Variants in RAB27B observed in about 807,000 individuals in gnomAD.
The protein encoded by RAB27B is ras-related protein Rab-27B.
RAB27B carries 15 observed loss-of-function variants against 24.6 expected under a neutral mutation model. That is an observed-to-expected ratio of 0.61 (90% CI 0.41 to 0.94). RAB27B has a LOEUF of 0.94. RAB27B is among the 40% of genes least tolerant of loss of function. RAB27B has a pLI of 0.00. For missense variants in RAB27B, 261 were observed against 266.8 expected, an observed-to-expected ratio of 0.98 and a Z score of 0.15; for synonymous variants, 105 against 92.5, an observed-to-expected ratio of 1.14 and a Z score of -0.78.
At chr18:54,865,134 G>A (rs536252864) in intron 1 of RAB27B, among the ~76,000 whole-genome samples, 4 of 152,054 alleles carry the variant, frequency 2.6e-5, no homozygotes, top group African/African-American at 7.2e-5. Context: ...TTAAATACAT[G>A]CAAATACATC....
intron 2 of RAB27B, among the ~76,000 whole-genome samples, chr18:54,794,219 A>AAGCACC (rs2145117394): frequency 6.6e-6 from 1 of 152,354 alleles, no homozygotes; most frequent in Admixed American, 6.5e-5. Context: ...CAAAGTAGCT[A>AAGCACC]TTATAGCACC....
intron 2 of RAB27B, among the ~76,000 whole-genome samples, chr18:54,763,040 T>C (rs546030998): frequency 1.8e-4 from 28 of 152,346 alleles, no homozygotes; most frequent in Non-Finnish European, 3.8e-4. Flanking sequence ...TTATTGAGTC[T>C]CTAAGCTCAA....
At chr18:54,869,060 C>T (rs1209664423) in intron 1 of RAB27B, among the ~76,000 whole-genome samples, 1 of 152,138 alleles carries the variant, frequency 6.6e-6, no homozygotes, top group Non-Finnish European at 1.5e-5. Context: ...AGATTTGGGT[C>T]TTGTCTGCAA....
At chr18:54,754,012 A>G (rs1257094289) in intron 2 of RAB27B, among the ~76,000 whole-genome samples, 1 of 152,132 alleles carries the variant, frequency 6.6e-6, no homozygotes, top group Non-Finnish European at 1.5e-5. Flanking sequence ...TTCTTTTTGA[A>G]TGTGTACCCT....
chr18:54,803,071 T>C (rs1909660509), intron 2 of RAB27B, among the ~76,000 whole-genome samples: 1 of 152,212 alleles, frequency 6.6e-6, no homozygotes, highest in South Asian at 2.1e-4. Context: ...AAATACAATA[T>C]TTCTTTCCTT....
chr18:54,729,862 A>C (rs886767478), intron 2 of RAB27B, among the ~76,000 whole-genome samples: 9 of 152,180 alleles, frequency 5.9e-5, no homozygotes, highest in Non-Finnish European at 1.2e-4. Flanking sequence ...AGGACAAAAA[A>C]AAAATGTTGA....
At chr18:54,787,128 G>T (rs538672085) in intron 2 of RAB27B, among the ~76,000 whole-genome samples, 10 of 152,276 alleles carry the variant, frequency 6.6e-5, no homozygotes, top group African/African-American at 2.4e-4. Context: ...TTGTCATTTG[G>T]TCTCAGTCCC....
intron 2 of RAB27B, among the ~76,000 whole-genome samples, chr18:54,878,228 A>G (rs1166352313): frequency 6.6e-6 from 1 of 152,196 alleles, no homozygotes; most frequent in African/African-American, 2.4e-5. Flanking sequence ...CTTCTTATGA[A>G]CAGAATGTGA....
intron 2 of RAB27B, among the ~76,000 whole-genome samples, chr18:54,788,213 C>G (rs923622492): frequency 5.9e-5 from 9 of 152,286 alleles, no homozygotes; most frequent in African/African-American, 2.2e-4. Context: ...CTAAACTCTC[C>G]AAGCATTTTA....
At chr18:54,864,505 T>C (rs80104406) in intron 1 of RAB27B, among the ~76,000 whole-genome samples, 21 of 150,772 alleles carry the variant, frequency 1.4e-4, no homozygotes, top group African/African-American at 4.4e-4. Context: ...TATTTTTTTT[T>C]CTTTTTTTGA....
intron 1 of RAB27B, among the ~76,000 whole-genome samples, chr18:54,861,957 T>C (rs1443844282): frequency 7.2e-5 from 11 of 152,178 alleles, no homozygotes; most frequent in Admixed American, 5.2e-4. Flanking sequence ...ATGTGAAAGA[T>C]TCTTTCAATA....
intron 2 of RAB27B, among the ~76,000 whole-genome samples, chr18:54,797,038 T>C (rs1483113318): frequency 6.6e-6 from 1 of 152,234 alleles, no homozygotes; most frequent in Non-Finnish European, 1.5e-5. Context: ...ACCCTGATCA[T>C]GTCTAATGTG....
intron 2 of RAB27B, among the ~76,000 whole-genome samples, chr18:54,755,316 G>A (rs540143387): frequency 1.3e-5 from 2 of 152,140 alleles, no homozygotes; most frequent in African/African-American, 4.8e-5. Context: ...CTTGGACCTG[G>A]GAGGCAGAGG....
At chr18:54,851,178 T>C (rs1365833605) in intron 1 of RAB27B, among the ~76,000 whole-genome samples, 1 of 152,228 alleles carries the variant, frequency 6.6e-6, no homozygotes, top group Non-Finnish European at 1.5e-5. Context: ...TTGGGCAAAC[T>C]TCTATTGGTT....
At position 54,723,155 on chromosome 18, in the gene RAB27B, G is replaced by C. The variant is rs372424463; in HGVS notation, c.-20+5014G>C. Among the ~76,000 whole-genome samples the C allele has an allele frequency of 1.1e-3, 173 of 152,310 alleles. 4 individuals carry two copies. The South Asian group carries it at 0.028, about 24-fold the overall frequency. Reference sequence around the variant, plus strand: ...AAAATGTGTCCTTGTTCAGAACCAGGAAAGAGCAAAGGCTCTTGCTGGGGA... The same window carrying C: ...AAAATGTGTCCTTGTTCAGAACCAGCAAAGAGCAAAGGCTCTTGCTGGGGA... On this transcript the variant is annotated intron_variant, in intron 2 of 4. Coordinates refer to the RAB27B transcript ENST00000586570.
chr18:54,768,214 G>A lies in RAB27B; in HGVS notation c.-20+50073G>A, dbSNP rs565922261. ...GATATAACAGCAAATCAAAAAGAGG[G>A]GATTAGAGAATGAGGTGTGTTACGG... On this transcript the variant is annotated intron_variant, in intron 2 of 4. Transcript: ENST00000586570. Among the ~76,000 whole-genome samples, 100 of 152,148 alleles carry A rather than the reference G, an allele frequency of 6.6e-4. 1 individual carries two copies. Among genetic ancestry groups the A allele is most frequent in the Non-Finnish European group, 4.1e-4 (28 of 68,008 alleles).
chr18:54,808,177 G>T (rs1034299087), intron 2 of RAB27B, among the ~76,000 whole-genome samples: 1 of 152,044 alleles, frequency 6.6e-6, no homozygotes, highest in East Asian at 1.9e-4. Flanking sequence ...CTCTAGATAG[G>T]CCCAGTGGTG....
intron 1 of RAB27B, among the ~76,000 whole-genome samples, chr18:54,873,998 T>A (rs565459444): frequency 6.6e-6 from 1 of 152,222 alleles, no homozygotes; most frequent in African/African-American, 2.4e-5. Flanking sequence ...CACAGTGGAA[T>A]TGATTTGTGT....
intron 2 of RAB27B, among the ~76,000 whole-genome samples, chr18:54,815,303 T>A (rs184198112): frequency 6.6e-6 from 1 of 152,236 alleles, no homozygotes; most frequent in East Asian, 1.9e-4. Context: ...TTGCAGAGGA[T>A]CCTCCCCTGT....
Sources: gnomAD v4.1 joint callset for allele counts (sites outside exome capture counted in the v4.1 genomes callset) on GRCh38, gnomAD v4.1.1 for gene constraint, MANE v1.5 for transcripts, NCBI Gene and HGNC (gene_info 2026-07-23, HGNC 2026-07-21) for gene names.